The following RANBP17 variants were observed in gnomAD, a reference collection of about 807,000 sequenced individuals.
The protein encoded by RANBP17 is RAN binding protein 17.
In RANBP17, 158 loss-of-function variants were observed where a neutral mutation model predicts 141.2. The ratio of observed to expected loss-of-function variants is 1.12; its 90% CI spans 0.98 to 1.28. The LOEUF is 1.28. Ranked by LOEUF, RANBP17 falls within the 50% of genes most tolerant of loss-of-function variation. RANBP17 has a pLI of 0.00. For synonymous variants in RANBP17, 430 were observed against 450.0 expected (o/e 0.96, Z 0.56); for missense variants, 1,438 against 1,290.7 (o/e 1.11, Z -1.75).
chr5:171,279,625 A>C (rs1408190416), intron 25 of RANBP17, among the ~76,000 whole-genome samples: 3 of 152,150 alleles, frequency 2.0e-5, no homozygotes, highest in African/African-American at 7.2e-5. Flanking sequence ...AGTACCTCAT[A>C]ATTCTTCCCA....
chr5:171,157,382 G>A (rs997862364), intron 14 of RANBP17, among the ~76,000 whole-genome samples: 1 of 152,144 alleles, frequency 6.6e-6, no homozygotes, highest in Non-Finnish European at 1.5e-5. Flanking sequence ...CATTAACTAA[G>A]TATTTTATTC....
chr5:171,042,221 C>G (rs1782297461), intron 14 of RANBP17, among the ~76,000 whole-genome samples: 1 of 151,972 alleles, frequency 6.6e-6, no homozygotes, highest in Non-Finnish European at 1.5e-5. Context: ...TAGGCCTATA[C>G]AGGGTCAGGA....
At chr5:170,912,974 G>GT (rs1771653258) in intron 7 of RANBP17, among the ~76,000 whole-genome samples, 2 of 151,892 alleles carry the variant, frequency 1.3e-5, no homozygotes, top group Non-Finnish European at 2.9e-5. Context: ...AAAGAAAAAA[G>GT]TAAGTCTCCT....
At chr5:171,001,573 C>T (rs540230911) in intron 14 of RANBP17, among the ~76,000 whole-genome samples, 1 of 152,182 alleles carries the variant, frequency 6.6e-6, no homozygotes, top group East Asian at 1.9e-4. Flanking sequence ...TGTAGCATCT[C>T]GAGGACAGGA....
chr5:171,039,972 G>A (rs939919417), intron 14 of RANBP17, among the ~76,000 whole-genome samples: 41 of 152,100 alleles, frequency 2.7e-4, no homozygotes, highest in African/African-American at 8.2e-4. Context: ...AAACTCTACC[G>A]AAACTATTCC....
chr5:171,000,370 C>T (rs1305649016), intron 14 of RANBP17, among the ~76,000 whole-genome samples: 1 of 152,136 alleles, frequency 6.6e-6, no homozygotes, highest in African/African-American at 2.4e-5. Flanking sequence ...TCGAGTTTCT[C>T]CACATCCTCA....
At chr5:171,243,472 A>G (rs2127998190) in intron 24 of RANBP17, among the ~76,000 whole-genome samples, 1 of 152,346 alleles carries the variant, frequency 6.6e-6, no homozygotes, top group South Asian at 2.1e-4. Flanking sequence ...GAATACAGCT[A>G]TTATGAACAT....
At chr5:171,054,813 C>A (rs1783231643) in intron 14 of RANBP17, among the ~76,000 whole-genome samples, 2 of 152,138 alleles carry the variant, frequency 1.3e-5, no homozygotes, top group South Asian at 2.1e-4. Flanking sequence ...AATCCTTAAT[C>A]TTAAGGGTTG....
chr5:171,218,294 AGT>A (rs1763346508), intron 21 of RANBP17, among the ~76,000 whole-genome samples: 1 of 152,076 alleles, frequency 6.6e-6, no homozygotes, highest in African/African-American at 2.4e-5. Flanking sequence ...TTTGCTGAGG[AGT>A]GTTTTACTTC....
intron 14 of RANBP17, among the ~76,000 whole-genome samples, chr5:171,139,604 T>C (rs1306917965): frequency 1.3e-5 from 2 of 152,178 alleles, no homozygotes; most frequent in Non-Finnish European, 2.9e-5. Context: ...TACCAAGTTC[T>C]ACTATATATT....
chr5:170,911,139 G>A lies in RANBP17; in HGVS notation c.760+5G>A, dbSNP rs1561881456. ...TTCCAACAACTTGGAGAACAAGTAAGAAAAAACTTTGGTATGAAGGGTCAT... is the reference window on the plus strand; with the variant it reads ...TTCCAACAACTTGGAGAACAAGTAAAAAAAAACTTTGGTATGAAGGGTCAT... On this transcript the variant is annotated splice_donor_5th_base_variant and intron_variant, in intron 7 of 27. Transcript: ENST00000523189. 4 of 1,610,500 alleles carry A rather than the reference G, an allele frequency of 2.5e-6. No individual in the cohort carries two copies. Among genetic ancestry groups the A allele is most frequent in the Non-Finnish European group, 2.5e-6 (3 of 1,177,850 alleles).
chr5:171,105,659 AGTG>A (rs1268200359), intron 14 of RANBP17, among the ~76,000 whole-genome samples: 2 of 152,110 alleles, frequency 1.3e-5, no homozygotes, highest in Non-Finnish European at 2.9e-5. Flanking sequence ...TTGAAGTTCC[AGTG>A]AACTGTGATC....
intron 14 of RANBP17, among the ~76,000 whole-genome samples, chr5:171,057,846 A>G (rs186325623): frequency 9.9e-5 from 15 of 152,198 alleles, no homozygotes; most frequent in Admixed American, 3.3e-4. Context: ...CAAGAACAGC[A>G]TGGGGGAAAC....
At chr5:171,266,115 A>G (rs2128020670) in intron 25 of RANBP17, among the ~76,000 whole-genome samples, 1 of 152,334 alleles carries the variant, frequency 6.6e-6, no homozygotes, top group South Asian at 2.1e-4. Context: ...GAGGCCTGAG[A>G]AAAATTAGAC....
chr5:171,137,571 G>GGTGTGTGTGTGTGTGTGT (rs757634108), intron 14 of RANBP17, among the ~76,000 whole-genome samples: 17 of 63,082 alleles, frequency 2.7e-4, no homozygotes, highest in South Asian at 7.6e-4. Flanking sequence ...GTTGACTTGA[G>GGTGTGTGTGTGTGTGTGT]ATGTGTGTGT....
chr5:171,253,794 C>T (rs1389279448), intron 24 of RANBP17, among the ~76,000 whole-genome samples: 4 of 152,124 alleles, frequency 2.6e-5, no homozygotes. Flanking sequence ...TAAATTATAT[C>T]TGAAATCAGT....
At chr5:171,212,370 C>T (rs1168478623) in intron 20 of RANBP17, among the ~76,000 whole-genome samples, 1 of 152,214 alleles carries the variant, frequency 6.6e-6, no homozygotes, top group South Asian at 2.1e-4. Flanking sequence ...ATAGAGAAAA[C>T]ATCCCATGGG....
intron 22 of RANBP17, among the ~76,000 whole-genome samples, chr5:171,225,990 A>G (rs1231523734): frequency 6.6e-6 from 1 of 152,186 alleles, no homozygotes; most frequent in Non-Finnish European, 1.5e-5. Flanking sequence ...CAGCCCAGGT[A>G]ACATTTGGAT....
In RANBP17 at chr5:170,984,882, G is replaced by A. The variant is rs1478703132; in HGVS notation, c.1710+16505G>A. ...TATTTTTTATATTAAATGTCTATTA[G>A]AAAAGGTCCATTTTAATTTTTAATC... On this transcript the variant is annotated intron_variant, in intron 14 of 27. Transcript: ENST00000523189. 4.6e-5 allele frequency among the ~76,000 whole-genome samples: 7 copies of A among 152,124 alleles called. No individual in the cohort carries two copies. In the East Asian group the frequency reaches 1.4e-3, roughly 29 times the overall value.
Sources: gnomAD v4.1 joint callset for allele counts (sites outside exome capture counted in the v4.1 genomes callset) on GRCh38, gnomAD v4.1.1 for gene constraint, MANE v1.5 for transcripts, NCBI Gene and HGNC (gene_info 2026-07-23, HGNC 2026-07-21) for gene names.